Variants in CYFIP2 observed in about 807,000 individuals in gnomAD.
CYFIP2 encodes cytoplasmic FMR1 interacting protein 2.
A neutral mutation model predicts 158.7 loss-of-function variants in CYFIP2; 29 were observed. That is an observed-to-expected ratio of 0.18 (90% confidence interval 0.14 to 0.25). The LOEUF (loss-of-function observed/expected upper bound fraction) is 0.25. Among genes scored for constraint, CYFIP2 ranks in the 10% least tolerant of loss-of-function variants. CYFIP2 has a pLI of 1.00. For missense variants in CYFIP2, 852 were observed against 1,639.5 expected (o/e 0.52, Z 8.29); for synonymous variants, 585 against 617.6 (o/e 0.95, Z 0.78).
chr5:157,297,109 G>GA (rs1204007526), intron 5 of CYFIP2, among the ~76,000 whole-genome samples: 2 of 152,218 alleles, frequency 1.3e-5, no homozygotes, highest in African/African-American at 4.8e-5. Flanking sequence ...CTGCTTTAGG[G>GA]ACAGCCTCTC....
Position 157,311,813 on chromosome 5 carries a change from G to A in CYFIP2, c.1110+32G>A, listed in dbSNP as rs370358417. The A allele has an allele frequency of 2.6e-4, 409 of 1,555,980 alleles. 1 individual carries two copies. The African/African-American group carries it at 4.2e-3, about 16-fold the overall frequency. The stretch of plus-strand genomic sequence containing the variant: ...ATGCAGGCTGCTGGGGCACAGGCCC[G>A]TGGGCCCAGGGCCAGAAGGGGTAAG... On this transcript the variant is annotated intron_variant, in intron 11 of 30. Coordinates refer to ENST00000620254, the MANE Select transcript of CYFIP2 (RefSeq NM_001037333.3). This position sits in a 1 kb window ranked among gnomAD's most constrained non-coding sequence, Gnocchi z 4.7.
chr5:157,367,749 CA>C (rs1279516956), intron 26 of CYFIP2, among the ~76,000 whole-genome samples: 1 of 129,246 alleles, frequency 7.7e-6, no homozygotes, highest in East Asian at 2.1e-4. Context: ...GACCTCTGTT[CA>C]CTTTTTTTTT....
intron 26 of CYFIP2, among the ~76,000 whole-genome samples, chr5:157,373,726 T>A (rs73815874): frequency 6.6e-6 from 1 of 152,222 alleles, no homozygotes; most frequent in African/African-American, 2.4e-5. Context: ...AGGTATAATC[T>A]GTTCTTATTT....
intron 3 of CYFIP2, among the ~76,000 whole-genome samples, chr5:157,287,708 G>A (rs549218024): frequency 6.6e-6 from 1 of 151,934 alleles, no homozygotes; most frequent in South Asian, 2.1e-4. Context: ...CATAAACCCT[G>A]CCTGTGGCTC....
At chr5:157,373,891 A>G (rs1473933053) in intron 26 of CYFIP2, among the ~76,000 whole-genome samples, 1 of 152,222 alleles carries the variant, frequency 6.6e-6, no homozygotes, top group Non-Finnish European at 1.5e-5. Context: ...GAAAGCGAAC[A>G]TAAAGCTAGC....
chr5:157,279,921 C>T (rs1756860292), intron 1 of CYFIP2, among the ~76,000 whole-genome samples: 1 of 152,136 alleles, frequency 6.6e-6, no homozygotes, highest in Non-Finnish European at 1.5e-5. Flanking sequence ...TTTTTCCTTT[C>T]TGATTGATGT....
chr5:157,338,283 T>C (rs1762000133), intron 21 of CYFIP2, among the ~76,000 whole-genome samples: 1 of 151,806 alleles, frequency 6.6e-6, no homozygotes, highest in African/African-American at 2.4e-5. Flanking sequence ...ATGAGCTGAC[T>C]GCAGACTGCA....
In CYFIP2 at chr5:157,327,999, C is replaced by G; in HGVS notation, c.2106C>G (p.Val702=). The G allele has an allele frequency of 6.2e-7, 1 of 1,613,980 alleles. No homozygotes were observed. The highest frequency in any genetic ancestry group is 1.7e-4 in the Middle Eastern group (1 of 6,058). The change falls in exon 19 of 31, where the codon GTC becomes GTG. Residue 702 remains valine, a synonymous_variant. Transcript: ENST00000620254. ...AEVNLCFDQF[V]YKLADQIFAY... is the part of the protein sequence containing the mutation. ...TGAACCTGTGTTTTGATCAGTTTGT[C>G]TACAAGCTGGCAGACCAGATCTTTG...
At chr5:157,317,980 C>T (rs1760286948) in intron 13 of CYFIP2, among the ~76,000 whole-genome samples, 1 of 152,176 alleles carries the variant, frequency 6.6e-6, no homozygotes, top group Admixed American at 6.5e-5. Flanking sequence ...TTGGGAATTC[C>T]CTTTACCTCT....
At chr5:157,286,560 A>G (rs372566915) in intron 2 of CYFIP2, among the ~76,000 whole-genome samples, 12,292 of 147,340 alleles carry the variant, frequency 0.083, 679 homozygotes, top group Middle Eastern at 0.15. Flanking sequence ...ATGTATATAT[A>G]TATATATATA....
Position 157,302,777 on chromosome 5 carries a change from C to T in CYFIP2, c.570-17C>T, listed in dbSNP as rs1040497274. On this transcript the variant is annotated splice_polypyrimidine_tract_variant and intron_variant, in intron 6 of 30. Transcript: ENST00000620254. ...CTTGGACAGTCCTCTCTGCAGCACC[C>T]ACTATCTGCGTTTCAGGGCAGCACA... 6.4e-7 allele frequency: 1 copy of T among 1,560,704 alleles called. No individual in the cohort carries two copies. The highest frequency in any genetic ancestry group is 8.7e-7 in the Non-Finnish European group (1 of 1,151,728).
intron 1 of CYFIP2, among the ~76,000 whole-genome samples, chr5:157,279,318 T>C (rs557488047): frequency 6.6e-6 from 1 of 152,220 alleles, no homozygotes; most frequent in Non-Finnish European, 1.5e-5. Context: ...AACTCAAGCT[T>C]ACCCACTACA....
chr5:157,380,262 A>C (rs1233909318), intron 26 of CYFIP2: 1 of 152,214 alleles, frequency 6.6e-6, no homozygotes, highest in Non-Finnish European at 1.5e-5. Flanking sequence ...CCTAAACTGT[A>C]ATTTCTAATC....
intron 4 of CYFIP2, among the ~76,000 whole-genome samples, chr5:157,296,316 G>A (rs1758251931): frequency 2.6e-5 from 4 of 152,202 alleles, no homozygotes; most frequent in South Asian, 4.1e-4. Context: ...CAGCAGGGCC[G>A]TGCATGGTGG....
chr5:157,384,213 CTTCAGAGAA>C, intron 28 of CYFIP2: 2 of 446,908 alleles, frequency 4.5e-6, no homozygotes, highest in Non-Finnish European at 9.1e-6. Context: ...GGACCCCTGC[CTTCAGAGAA>C]TTCAGATTAT....
intron 1 of CYFIP2, among the ~76,000 whole-genome samples, chr5:157,281,903 G>A (rs1757019534): frequency 6.6e-6 from 1 of 152,090 alleles, no homozygotes; most frequent in African/African-American, 2.4e-5. Flanking sequence ...GAAGATGTGT[G>A]TGTAGACATC....
intron 1 of CYFIP2, among the ~76,000 whole-genome samples, chr5:157,275,267 T>C (rs1756455059): frequency 6.6e-6 from 1 of 152,212 alleles, no homozygotes; most frequent in Non-Finnish European, 1.5e-5. Context: ...GATGTACTCT[T>C]ATGAGTTTTA....
At chr5:157,322,963 G>A in intron 15 of CYFIP2, 1 of 1,535,866 alleles carries the variant, frequency 6.5e-7, no homozygotes, top group Non-Finnish European at 8.7e-7. Context: ...GTCCCCGAGG[G>A]CTTTGTTTCA....
At chr5:157,302,092 A>T (rs1310849230) in intron 6 of CYFIP2, among the ~76,000 whole-genome samples, 2 of 152,206 alleles carry the variant, frequency 1.3e-5, no homozygotes, top group Admixed American at 6.5e-5. Context: ...CCCCACCTGT[A>T]GCCAGCCTGC....
Sources: gnomAD v4.1 joint callset for allele counts (sites outside exome capture counted in the v4.1 genomes callset) on GRCh38, gnomAD v4.1.1 for gene constraint, Gnocchi (gnomAD v3.1) non-coding constraint, MANE v1.5 for transcripts, NCBI Gene and HGNC (gene_info 2026-07-23, HGNC 2026-07-21) for gene names.